TBC1D22A: variants seen among roughly 807,000 people sequenced by gnomAD.
The protein encoded by TBC1D22A is TBC1 domain family member 22A.
TBC1D22A carries 38 observed loss-of-function variants against 60.2 expected under a neutral mutation model. The observed-to-expected ratio is 0.63, with a 90% CI of 0.49 to 0.83. TBC1D22A has a LOEUF of 0.83. Among genes scored for constraint, TBC1D22A ranks in the 40% least tolerant of loss-of-function variants. The pLI is 0.00. For missense variants in TBC1D22A, 628 were observed against 701.0 expected (o/e 0.90, Z 1.18); for synonymous variants, 302 against 281.7 (o/e 1.07, Z -0.72).
At chr22:47,058,055 A>T (rs1603203630) in intron 11 of TBC1D22A, among the ~76,000 whole-genome samples, 2 of 152,264 alleles carry the variant, frequency 1.3e-5, no homozygotes, top group South Asian at 4.1e-4. Context: ...TGCAGCAAGG[A>T]TTGCAGGCCA....
At chr22:47,080,522 A>G (rs2064419512) in intron 11 of TBC1D22A, among the ~76,000 whole-genome samples, 1 of 152,214 alleles carries the variant, frequency 6.6e-6, no homozygotes, top group Non-Finnish European at 1.5e-5. Flanking sequence ...GTCAAAGGGA[A>G]AAGAGATTTT....
intron 8 of TBC1D22A, among the ~76,000 whole-genome samples, chr22:46,925,147 A>G (rs1296880860): frequency 1.3e-5 from 2 of 152,122 alleles, no homozygotes; most frequent in South Asian, 4.1e-4. Context: ...ACTTCCCTCC[A>G]CCTTGTTTTT....
At chr22:47,078,397 C>CCCCCT (rs2064316304) in intron 11 of TBC1D22A, among the ~76,000 whole-genome samples, 1 of 152,142 alleles carries the variant, frequency 6.6e-6, no homozygotes, top group South Asian at 2.1e-4. Flanking sequence ...TGCAAGTGTG[C>CCCCCT]CCCCTCCCCT....
chr22:46,883,065 T>C (rs567468656), intron 5 of TBC1D22A, among the ~76,000 whole-genome samples: 7 of 152,278 alleles, frequency 4.6e-5, no homozygotes, highest in Non-Finnish European at 1.0e-4. Context: ...TAAAAATTAC[T>C]GCTATACAGA....
rs527522105 is a variant in TBC1D22A, at chr22:47,073,823, T to A, written c.1329+36625T>A. On this transcript the variant is annotated intron_variant, in intron 11 of 12. Coordinates refer to ENST00000337137, the MANE Select transcript of TBC1D22A (RefSeq NM_014346.5). Reference sequence around the variant, plus strand: ...CCCCATGGGAGCTTTCTAAAAAAGATAGTATTAAAAGACTATGATTCAGGC... The same window carrying A: ...CCCCATGGGAGCTTTCTAAAAAAGAAAGTATTAAAAGACTATGATTCAGGC... Among the ~76,000 whole-genome samples the A allele has an allele frequency of 2.0e-5, 3 of 152,284 alleles. No homozygotes were observed. The East Asian group carries it at 5.8e-4, about 29-fold the overall frequency.
intron 10 of TBC1D22A, among the ~76,000 whole-genome samples, chr22:47,029,235 A>G (rs11090745): frequency 7.1e-3 from 410 of 57,564 alleles, no homozygotes; most frequent in African/African-American, 0.032. Context: ...CCATGGGCCC[A>G]GGGACACAGC....
chr22:47,030,751 C>T (rs1328969279), intron 10 of TBC1D22A, among the ~76,000 whole-genome samples: 3 of 152,266 alleles, frequency 2.0e-5, no homozygotes, highest in African/African-American at 7.2e-5. Flanking sequence ...GAAAGAGCAT[C>T]TGCTCGCAAT....
intron 6 of TBC1D22A, among the ~76,000 whole-genome samples, chr22:46,891,604 C>G (rs181466788): frequency 1.3e-5 from 2 of 152,342 alleles, no homozygotes; most frequent in Non-Finnish European, 2.9e-5. Flanking sequence ...TGCTTGTCTT[C>G]AGTTCCCTCT....
At chr22:47,079,032 C>T (rs1191621926) in intron 11 of TBC1D22A, among the ~76,000 whole-genome samples, 7 of 150,930 alleles carry the variant, frequency 4.6e-5, no homozygotes, top group Non-Finnish European at 7.4e-5. Flanking sequence ...CGCTACTTTA[C>T]GTGGCTTGGG....
chr22:46,871,766 T>C (rs1035139356), intron 4 of TBC1D22A, among the ~76,000 whole-genome samples: 2 of 152,166 alleles, frequency 1.3e-5, no homozygotes, highest in Non-Finnish European at 2.9e-5. Context: ...TTCAACGCTC[T>C]CATTTTAAGA....
At chr22:47,008,567 C>T (rs1474955850) in intron 10 of TBC1D22A, among the ~76,000 whole-genome samples, 1 of 152,212 alleles carries the variant, frequency 6.6e-6, no homozygotes, top group African/African-American at 2.4e-5. Context: ...TGTATCTGCC[C>T]ACCTGCTGTG....
chr22:46,862,453 C>A (rs2087947667), intron 4 of TBC1D22A, among the ~76,000 whole-genome samples: 1 of 152,188 alleles, frequency 6.6e-6, no homozygotes, highest in Non-Finnish European at 1.5e-5. Flanking sequence ...CCCCCTCTTG[C>A]TTCTGTTCTC....
intron 1 of TBC1D22A, among the ~76,000 whole-genome samples, chr22:46,766,477 A>C (rs541763474): frequency 6.6e-6 from 1 of 152,278 alleles, no homozygotes. Flanking sequence ...AAGGAAACTC[A>C]GGAGGAAGAC....
chr22:46,787,741 A>G (rs1244800954), intron 1 of TBC1D22A, among the ~76,000 whole-genome samples: 1 of 152,172 alleles, frequency 6.6e-6, no homozygotes, highest in Non-Finnish European at 1.5e-5. Context: ...TGTCAAATAC[A>G]GGTTGGTAGC....
intron 4 of TBC1D22A, among the ~76,000 whole-genome samples, chr22:46,868,215 T>G (rs1054261387): frequency 1.3e-5 from 2 of 152,150 alleles, no homozygotes. Context: ...AGCATGTAAA[T>G]TTAGAGTCAG....
chr22:46,935,448 G>T (rs553088228), intron 8 of TBC1D22A, among the ~76,000 whole-genome samples: 8 of 152,070 alleles, frequency 5.3e-5, no homozygotes, highest in Non-Finnish European at 1.2e-4. Flanking sequence ...CCACTCCCCC[G>T]CAGCCCCTGT....
chr22:47,069,664 G>A (rs1325444004), intron 11 of TBC1D22A, among the ~76,000 whole-genome samples: 3 of 148,518 alleles, frequency 2.0e-5, no homozygotes, highest in Non-Finnish European at 3.0e-5. Context: ...CTGACTTGAC[G>A]GTTCCCGGCT....
chr22:46,825,496 C>CAGAG (rs1326651144), intron 4 of TBC1D22A, among the ~76,000 whole-genome samples: 10 of 152,176 alleles, frequency 6.6e-5, no homozygotes, highest in Admixed American at 2.0e-4. Flanking sequence ...TCTTTTGAGA[C>CAGAG]AGAGTCTCAC....
At chr22:46,968,871 C>T (rs994680004) in intron 8 of TBC1D22A, among the ~76,000 whole-genome samples, 3 of 152,158 alleles carry the variant, frequency 2.0e-5, no homozygotes, top group African/African-American at 7.2e-5. Flanking sequence ...GCTAAATATC[C>T]TCCATTTCAA....
Sources: gnomAD v4.1 joint callset for allele counts (sites outside exome capture counted in the v4.1 genomes callset) on GRCh38, gnomAD v4.1.1 for gene constraint, MANE v1.5 for transcripts, NCBI Gene and HGNC (gene_info 2026-07-23, HGNC 2026-07-21) for gene names.